The following ABCG5 variants were observed in gnomAD, a reference collection of about 807,000 sequenced individuals.
ABCG5 encodes ATP binding cassette subfamily G member 5, also known as ATP-binding cassette sub-family G member 5.
ABCG5 carries 64 observed loss-of-function variants against 64.5 expected under a neutral mutation model. The ratio of observed to expected loss-of-function variants is 0.99; its 90% CI spans 0.81 to 1.22. The LOEUF (loss-of-function observed/expected upper bound fraction) is 1.22, where lower values mean the gene tolerates loss of function less well. ABCG5 is among the 50% of genes most tolerant of loss of function. The pLI is 0.00. For synonymous variants in ABCG5, 385 were observed against 326.3 expected, an observed-to-expected ratio of 1.18 and a Z score of -1.94; for missense variants, 908 against 829.5, an observed-to-expected ratio of 1.09 and a Z score of -1.16.
intron 11 of ABCG5, among the ~76,000 whole-genome samples, chr2:43,818,316 C>CTGAAT (rs1162407334): frequency 6.6e-6 from 1 of 152,104 alleles, no homozygotes; most frequent in Admixed American, 6.5e-5. Context: ...TGGTGGCGCA[C>CTGAAT]ACCTGTAATC....
chr2:43,821,287 T>C (rs1293757404), intron 10 of ABCG5, among the ~76,000 whole-genome samples: 2 of 152,200 alleles, frequency 1.3e-5, no homozygotes, highest in African/African-American at 4.8e-5. Flanking sequence ...CCAGAGTCAT[T>C]CTTTTTGCTC....
At position 43,831,785 on chromosome 2, in the gene ABCG5, C is replaced by T; in HGVS notation, c.485G>A (p.Gly162Asp). ...TGCACCCACCTTCTTCTGGAAGGAG[C>T]CGGGATTGCCGCGGCGGATGGCCAG... ...ALLAIRRGNP[G>D]SFQKKVEAVM... is the part of the protein sequence containing the mutation. Residue 162 changes from glycine (G) to aspartate (D), a missense_variant, in exon 4 of 13, where the codon GGC (glycine) becomes GAC (aspartate). Coordinates refer to ENST00000405322, the MANE Select transcript of ABCG5 (RefSeq NM_022436.3). The T allele has an allele frequency of 6.3e-7, 1 of 1,584,562 alleles. No individual in the cohort carries two copies.
chr2:43,814,049 T>C (rs1194782451), intron 12 of ABCG5, among the ~76,000 whole-genome samples: 1 of 152,130 alleles, frequency 6.6e-6, no homozygotes, highest in African/African-American at 2.4e-5. Context: ...GAGGTCCTTG[T>C]CTTGGTTCTA....
intron 5 of ABCG5, among the ~76,000 whole-genome samples, chr2:43,827,292 T>C (rs1300945174): frequency 1.4e-5 from 2 of 144,748 alleles, no homozygotes; most frequent in African/African-American, 5.2e-5. Context: ...ACCACTGCAC[T>C]CCAGCCTGGG....
intron 2 of ABCG5, among the ~76,000 whole-genome samples, chr2:43,834,034 G>A (rs1278694643): frequency 6.6e-6 from 1 of 152,178 alleles, no homozygotes; most frequent in Non-Finnish European, 1.5e-5. Context: ...GAGGTACAAA[G>A]ATGAATCAAC....
Position 43,831,788 on chromosome 2 carries a change from G to A in ABCG5, c.482C>T (p.Pro161Leu). The A allele has an allele frequency of 6.3e-7, 1 of 1,586,142 alleles. No individual in the cohort carries two copies. Among genetic ancestry groups the A allele is most frequent in the Admixed American group, 1.8e-5 (1 of 55,168 alleles). Residue 161 changes from proline to leucine, a missense_variant, in exon 4 of 13, where the codon CCC becomes CTC. Coordinates refer to ENST00000405322, the MANE Select transcript of ABCG5 (RefSeq NM_022436.3). The stretch of plus-strand genomic sequence containing the variant: ...ACCCACCTTCTTCTGGAAGGAGCCG[G>A]GATTGCCGCGGCGGATGGCCAGCAG... ...TALLAIRRGN[P>L]GSFQKKVEAV... is the part of the protein sequence containing the mutation.
rs768286276 is a variant in ABCG5 at position 43,826,517 on chromosome 2, G to A, written c.639C>T (p.Val213=). The change falls in exon 6 of 13, where the codon GTC becomes GTT. Residue 213 remains valine, a synonymous_variant. Coordinates refer to ENST00000405322, the MANE Select transcript of ABCG5 (RefSeq NM_022436.3). ...IAAQLLQDPK[V]MLFDEPTTGL... ...CTGTGGTTGGCTCATCAAACAGCAT[G>A]ACCTCTGCCAGCAAAGAAGGGCCAG... 6.2e-7 allele frequency: 1 copy of A among 1,614,190 alleles called. No homozygotes were observed. Among genetic ancestry groups the A allele is most frequent in the African/African-American group, 1.3e-5 (1 of 75,052 alleles).
At position 43,824,008 on chromosome 2, in the gene ABCG5, T is replaced by C; in HGVS notation, c.1229A>G (p.Asn410Ser). ...GTCCTGGATAGCACCCTTTAGCACATTGCTTCGGACCCGCAGAACGAAGAA... is the reference window on the plus strand; with the variant it reads ...GTCCTGGATAGCACCCTTTAGCACACTGCTTCGGACCCGCAGAACGAAGAA... ...LLFFVLRVRS[N>S]VLKGAIQDRV... The change falls in exon 9 of 13, where the codon AAT (asparagine) becomes AGT (serine). Residue 410 changes from asparagine (N) to serine (S), a missense_variant. Transcript: ENST00000405322. 1 of 1,614,174 alleles carries C rather than the reference T, an allele frequency of 6.2e-7. No homozygotes were observed. The highest frequency in any genetic ancestry group is 8.5e-7 in the Non-Finnish European group (1 of 1,180,038).
At chr2:43,836,123 G>A (rs1558774601) in intron 2 of ABCG5, among the ~76,000 whole-genome samples, 1 of 151,774 alleles carries the variant, frequency 6.6e-6, no homozygotes, top group Non-Finnish European at 1.5e-5. Context: ...TGCATTTTTA[G>A]TAGAGACGGG....
downstream of ABCG5, among the ~76,000 whole-genome samples, chr2:43,808,704 T>A (rs1379476528): frequency 6.6e-6 from 1 of 152,146 alleles, no homozygotes; most frequent in Admixed American, 6.5e-5. Flanking sequence ...AATGGAAGTA[T>A]CCTGCCCTCT....
chr2:43,838,493 C>T lies in ABCG5; in HGVS notation c.143+44G>A, dbSNP rs1211038654. The T allele has an allele frequency of 1.9e-6, 3 of 1,557,416 alleles. No homozygotes were observed. Among genetic ancestry groups the T allele is most frequent in the Non-Finnish European group, 2.6e-6 (3 of 1,148,178 alleles). On this transcript the variant is annotated intron_variant, in intron 1 of 12. Coordinates refer to ENST00000405322, the MANE Select transcript of ABCG5 (RefSeq NM_022436.3). The surrounding 1 kb of genome is among the most constrained non-coding windows in gnomAD (Gnocchi z 4.2). ...GGCAGCAGAGGGGTGAGCGCCGGGC[C>T]CCGCACTCCTGGGGGAGCAGCAGCA...
At chr2:43,826,125 AC>A (rs1156421798) in intron 6 of ABCG5, among the ~76,000 whole-genome samples, 1 of 149,898 alleles carries the variant, frequency 6.7e-6, no homozygotes, top group East Asian at 1.9e-4. Context: ...ACAGATATGC[AC>A]CACCATGCCT....
intron 11 of ABCG5, among the ~76,000 whole-genome samples, chr2:43,815,910 GAAA>G (rs4148200): frequency 9.6e-6 from 1 of 104,060 alleles, no homozygotes; most frequent in Non-Finnish European, 2.1e-5. Flanking sequence ...AACAGGAAAA[GAAA>G]AAAAAAAAAA....
At chr2:43,811,883 C>A (rs367566316), downstream of ABCG5, among the ~76,000 whole-genome samples, 5 of 152,114 alleles carry the variant, frequency 3.3e-5, no homozygotes, top group Admixed American at 1.3e-4. Flanking sequence ...CATGAGCCAC[C>A]GCGCCTGGCC....
intron 12 of ABCG5, among the ~76,000 whole-genome samples, chr2:43,813,730 T>TTTTTTTTTTTTTTG: frequency 7.2e-6 from 1 of 138,370 alleles, no homozygotes; most frequent in Admixed American, 7.2e-5. Context: ...TTTTTTTTTT[T>TTTTTTTTTTTTTTG]TTTTTGAGAC....
chr2:43,831,618 C>G lies in ABCG5; in HGVS notation c.501+151G>C. 5 of 769,440 alleles carry G rather than the reference C, an allele frequency of 6.5e-6. No homozygotes were observed. The South Asian group carries it at 8.2e-5, about 13-fold the overall frequency. 47.7% of individuals were successfully genotyped at this position (769,440 alleles called of 1,614,324 possible). ...AAGGCACATGTGACTAGGGGCAGCACAGGGTGCACGGTGCAGGACGCAGGG... is the reference window on the plus strand; with the variant it reads ...AAGGCACATGTGACTAGGGGCAGCAGAGGGTGCACGGTGCAGGACGCAGGG... On this transcript the variant is annotated intron_variant, in intron 4 of 12. Transcript: ENST00000405322.
chr2:43,812,895 A>C lies in ABCG5; in HGVS notation c.*221T>G. On this transcript the variant is annotated 3_prime_UTR_variant, in exon 13 of 13. Transcript: ENST00000405322. ...GGGTCCGCTCAGTCACAATTTCCAA[A>C]TAACCACATGTCCCTGCAAGTTGTA... is the stretch of plus-strand genomic sequence containing the variant. The C allele has an allele frequency of 1.8e-6, 1 of 558,150 alleles. No homozygotes were observed. The highest frequency in any genetic ancestry group is 2.1e-5 in the South Asian group (1 of 46,764). 34.6% of individuals were successfully genotyped at this position (558,150 alleles called of 1,614,324 possible).
At chr2:43,826,297 G>C in intron 6 of ABCG5, 85 bp downstream of exon 6, 11 of 1,596,528 alleles carry the variant, frequency 6.9e-6, no homozygotes, top group Non-Finnish European at 8.5e-6. Context: ...ACTGTGCCTG[G>C]CCACTGGTAC....
At chr2:43,820,180 A>G (rs1667096169) in intron 10 of ABCG5, 80 bp from the exon 11 acceptor site, 1 of 1,514,822 alleles carries the variant, frequency 6.6e-7, no homozygotes, top group Non-Finnish European at 9.0e-7. Flanking sequence ...CTGTGAATAA[A>G]TCCTTTGTGG....
Sources: gnomAD v4.1 joint callset for allele counts (sites outside exome capture counted in the v4.1 genomes callset) on GRCh38, gnomAD v4.1.1 for gene constraint, Gnocchi (gnomAD v3.1) non-coding constraint, MANE v1.5 for transcripts, NCBI Gene and HGNC (gene_info 2026-07-23, HGNC 2026-07-21) for gene names.